Variants in CPNE3 observed in about 807,000 individuals in gnomAD.
CPNE3 encodes copine 3.
A neutral mutation model predicts 63.9 loss-of-function variants in CPNE3; 68 were observed. The observed-to-expected ratio is 1.06, with a 90% CI of 0.87 to 1.30. The LOEUF is 1.30. Ranked by LOEUF, CPNE3 falls within the 50% of genes most tolerant of loss-of-function variation. The pLI is 0.00. For synonymous variants in CPNE3, 219 were observed against 197.5 expected, an observed-to-expected ratio of 1.11 and a Z score of -0.91; for missense variants, 665 against 578.1, an observed-to-expected ratio of 1.15 and a Z score of -1.54.
chr8:86,537,440 A>C, intron 6 of CPNE3, 123 bp from the exon 7 acceptor site: 2 of 650,720 alleles, frequency 3.1e-6, no homozygotes, highest in Non-Finnish European at 5.6e-6. Flanking sequence ...TGGGATGTAT[A>C]TTTACTATCA....
At chr8:86,530,136 T>G (rs1398789167) in intron 4 of CPNE3, among the ~76,000 whole-genome samples, 1 of 151,608 alleles carries the variant, frequency 6.6e-6, no homozygotes, top group African/African-American at 2.4e-5. Context: ...GGGAGTTAAA[T>G]ATTGAAGTTG....
intron 2 of CPNE3, among the ~76,000 whole-genome samples, chr8:86,518,257 A>G (rs11992955): frequency 0.73 from 111,758 of 152,108 alleles, 41,996 homozygotes; most frequent in African/African-American, 0.83. Context: ...GGTGGACACC[A>G]GGGCAGGTGA....
At chr8:86,521,134 A>G (rs774538505) in intron 2 of CPNE3, among the ~76,000 whole-genome samples, 1 of 152,206 alleles carries the variant, frequency 6.6e-6, no homozygotes, top group Non-Finnish European at 1.5e-5. Context: ...AGTGCAGTAT[A>G]TTCCTGAGAA....
chr8:86,558,330 C>T lies in CPNE3; in HGVS notation c.1534C>T (p.Pro512Ser), dbSNP rs529551993. 8 of 872,920 alleles carry T rather than the reference C, an allele frequency of 9.2e-6. No homozygotes were observed. The highest frequency in any genetic ancestry group is 1.6e-5 in the Non-Finnish European group (8 of 501,664). The allele number at this position is 872,920 out of a possible 1,614,324, so 54.1% of individuals were successfully genotyped here. A position where few individuals can be genotyped will look rare whatever the true frequency, so the allele number is the denominator to read the frequency against. ...TGCTCAGTGTGTCTTGGCAGAGATT[C>T]CCCAGCAGGTGGTGGGCTACTTCAA... ...ALAQCVLAEI[P>S]QQVVGYFNTY... Residue 512 changes from proline to serine, a missense_variant, in exon 17 of 17, where the codon CCC (proline) becomes TCC (serine). Coordinates refer to ENST00000517490, the MANE Select transcript of CPNE3 (RefSeq NM_003909.5).
At chr8:86,515,716 G>C (rs934164663) in intron 2 of CPNE3, among the ~76,000 whole-genome samples, 7 of 152,216 alleles carry the variant, frequency 4.6e-5, no homozygotes, top group Non-Finnish European at 7.3e-5. Context: ...AATGTCACAA[G>C]GTTGCTATGA....
chr8:86,521,733 T>C (rs942849970), intron 2 of CPNE3: 3 of 152,184 alleles, frequency 2.0e-5, no homozygotes, highest in African/African-American at 4.8e-5. Context: ...TTTAACCTTT[T>C]TGAAGAAATT....
chr8:86,540,994 T>C (rs1452320014), intron 8 of CPNE3, among the ~76,000 whole-genome samples: 1 of 152,196 alleles, frequency 6.6e-6, no homozygotes, highest in African/African-American at 2.4e-5. Flanking sequence ...TACATACATA[T>C]ACATAAAAGA....
intron 2 of CPNE3, among the ~76,000 whole-genome samples, chr8:86,523,133 G>T (rs549248581): frequency 2.6e-5 from 4 of 152,172 alleles, no homozygotes; most frequent in African/African-American, 9.7e-5. Flanking sequence ...TTCATAGAGT[G>T]TCTATTATAT....
chr8:86,552,861 C>T (rs1201718723), intron 14 of CPNE3, among the ~76,000 whole-genome samples: 1 of 102,996 alleles, frequency 9.7e-6, no homozygotes, highest in East Asian at 2.8e-4. Context: ...TTTTTCGAGA[C>T]GAAGTCTTGC....
chr8:86,542,571 T>A (rs1338887697), intron 8 of CPNE3, among the ~76,000 whole-genome samples: 1 of 151,740 alleles, frequency 6.6e-6, no homozygotes, highest in Non-Finnish European at 1.5e-5. Context: ...ATATTATATA[T>A]CCATTAAATG....
intron 2 of CPNE3, among the ~76,000 whole-genome samples, chr8:86,524,112 G>A (rs796397179): frequency 2.6e-5 from 4 of 152,318 alleles, no homozygotes; most frequent in African/African-American, 9.6e-5. Flanking sequence ...TGAAGTTAGG[G>A]TTGTGACTCT....
chr8:86,519,939 T>C (rs1820395129), intron 2 of CPNE3, among the ~76,000 whole-genome samples: 1 of 152,142 alleles, frequency 6.6e-6, no homozygotes, highest in African/African-American at 2.4e-5. Context: ...CTTGAACTAC[T>C]GACCTCAGAC....
intron 6 of CPNE3, among the ~76,000 whole-genome samples, chr8:86,534,809 A>G (rs998795607): frequency 6.6e-6 from 1 of 152,192 alleles, no homozygotes; most frequent in African/African-American, 2.4e-5. Context: ...GTAAGTTAAA[A>G]TGTTTGACTT....
At chr8:86,515,214 C>T (rs1820260994) in intron 1 of CPNE3, 1 of 152,202 alleles carries the variant, frequency 6.6e-6, no homozygotes, top group South Asian at 2.1e-4. Context: ...GGCCAGAACC[C>T]GTTGGGACCG....
chr8:86,537,756 A>G lies in CPNE3; in HGVS notation c.543+110A>G, dbSNP rs1239845582. On this transcript the variant is annotated intron_variant, in intron 7 of 16. Transcript: ENST00000517490. ...AGTATCAATCTGAGTTCATACTTAC[A>G]TATAGCCAGAGACACAAGATCACCA... 1.2e-5 allele frequency: 8 copies of G among 690,788 alleles called. No homozygotes were observed. The East Asian group carries it at 1.6e-4, about 14-fold the overall frequency. The allele number at this position is 690,788 out of a possible 1,614,324, so 42.8% of individuals were successfully genotyped here. A position where few individuals can be genotyped will look rare whatever the true frequency, so the allele number is the denominator to read the frequency against.
At position 86,558,540 on chromosome 8, in the gene CPNE3, T is replaced by G. The variant is rs1320250302; in HGVS notation, c.*130T>G. ...TAAATCTCTTTCTCTATGGATTATA[T>G]CTGTTTAAAGCATTCTTTCTAGGTT... On this transcript the variant is annotated 3_prime_UTR_variant, in exon 17 of 17. Coordinates refer to ENST00000517490, the MANE Select transcript of CPNE3 (RefSeq NM_003909.5). 1.1e-5 allele frequency: 8 copies of G among 744,084 alleles called. No homozygotes were observed. The South Asian group carries it at 1.3e-4, about 12-fold the overall frequency. The allele number at this position is 744,084 out of a possible 1,614,324, so 46.1% of individuals were successfully genotyped here. A position where few individuals can be genotyped will look rare whatever the true frequency, so the allele number is the denominator to read the frequency against.
chr8:86,544,326 A>C (rs1821003654), intron 8 of CPNE3, among the ~76,000 whole-genome samples: 1 of 152,238 alleles, frequency 6.6e-6, no homozygotes, highest in African/African-American at 2.4e-5. Flanking sequence ...GCTTTCTAGA[A>C]TGTTGACTTC....
rs575408722 is a variant in CPNE3, at chr8:86,560,964, G to A, written c.*2554G>A. 8 of 152,228 alleles carry A rather than the reference G, an allele frequency of 5.3e-5. No homozygotes were observed. The highest frequency in any genetic ancestry group is 1.9e-4 in the African/African-American group (8 of 41,532). The allele number at this position is 152,228 out of a possible 1,614,324, so 9.4% of individuals were successfully genotyped here. On this transcript the variant is annotated 3_prime_UTR_variant, in exon 17 of 17. Coordinates refer to ENST00000517490, the MANE Select transcript of CPNE3 (RefSeq NM_003909.5). ...CAGGATAGATGTAATATTTCTTACAGATGCTGGCACAGAGGAAATAATATA... is the reference window on the plus strand; with the variant it reads ...CAGGATAGATGTAATATTTCTTACAAATGCTGGCACAGAGGAAATAATATA...
At position 86,540,244 on chromosome 8, in the gene CPNE3, G is replaced by A; in HGVS notation, c.544-1G>A. 1.9e-6 allele frequency: 3 copies of A among 1,595,876 alleles called. No homozygotes were observed. Among genetic ancestry groups the A allele is most frequent in the African/African-American group, 1.3e-5 (1 of 74,400 alleles). On this transcript the variant is annotated splice_acceptor_variant, in intron 7 of 16. Transcript: ENST00000517490. LOFTEE classifies it high-confidence loss of function. ...AGCTTTTTGAAACCACATTTTTATA[G>A]GTTGTTAAAAACAACTTGAATCCTG...
Sources: gnomAD v4.1 joint callset for allele counts (sites outside exome capture counted in the v4.1 genomes callset) on GRCh38, gnomAD v4.1.1 for gene constraint, MANE v1.5 for transcripts, NCBI Gene and HGNC (gene_info 2026-07-23, HGNC 2026-07-21) for gene names.